NRCAM: variants seen among roughly 807,000 people sequenced by gnomAD.
NRCAM encodes the protein NgCAM-related cell adhesion molecule.
In NRCAM, 83 loss-of-function variants were observed where a neutral mutation model predicts 156.5. The observed-to-expected ratio is 0.53, with a 90% confidence interval of 0.44 to 0.64. The LOEUF is 0.64. NRCAM is among the 30% of genes least tolerant of loss of function. The pLI, the probability that NRCAM is intolerant of heterozygous loss-of-function variation, is 0.00. For missense variants in NRCAM, 1,417 were observed against 1,597.3 expected (o/e 0.89, Z 1.92); for synonymous variants, 538 against 563.9 (o/e 0.95, Z 0.65).
chr7:108,253,358 G>GAAGAGGA (rs1562959904), intron 3 of NRCAM, among the ~76,000 whole-genome samples: 1 of 152,158 alleles, frequency 6.6e-6, no homozygotes, highest in African/African-American at 2.4e-5. Flanking sequence ...GTTCAAGAGG[G>GAAGAGGA]AAGAGGAAAG....
chr7:108,427,087 C>A (rs747345254), intron 1 of NRCAM, among the ~76,000 whole-genome samples: 6 of 152,216 alleles, frequency 3.9e-5, no homozygotes, highest in Non-Finnish European at 7.3e-5. Context: ...ACATGCCTTT[C>A]CTCTAGAATG....
At chr7:108,281,173 G>GA (rs2097846670) in intron 3 of NRCAM, among the ~76,000 whole-genome samples, 4 of 152,156 alleles carry the variant, frequency 2.6e-5, no homozygotes, top group African/African-American at 9.6e-5. Context: ...TTAACCTGAT[G>GA]AAATGAGCAA....
chr7:108,150,479 C>G (rs995057247), intron 32 of NRCAM, among the ~76,000 whole-genome samples: 1 of 152,144 alleles, frequency 6.6e-6, no homozygotes, highest in African/African-American at 2.4e-5. Context: ...AAAATCATCA[C>G]TATTTTGAAT....
At chr7:108,257,295 TA>T (rs760275556) in intron 3 of NRCAM, among the ~76,000 whole-genome samples, 5 of 152,208 alleles carry the variant, frequency 3.3e-5, no homozygotes, top group Admixed American at 6.5e-5. Context: ...AAAAATGCAC[TA>T]AAACTCACCA....
Position 108,147,994 on chromosome 7 carries a change from GAC to G in NRCAM, c.*1914_*1915del, listed in dbSNP as rs2039662973. 6.6e-6 allele frequency: 1 copy of G among 152,618 alleles called. No individual in the cohort carries two copies. The highest frequency in any genetic ancestry group is 1.5e-5 in the Non-Finnish European group (1 of 68,024). 9.5% of individuals were successfully genotyped at this position (152,618 alleles called of 1,614,324 possible). ...GTTTTGTCTTTTTATATTTTCAAGA[GAC>G]AGGTGGATCTGTGAAAAATGAATAT... On this transcript the variant is annotated 3_prime_UTR_variant, in exon 33 of 33. Coordinates refer to ENST00000379028, the MANE Select transcript of NRCAM (RefSeq NM_001037132.4).
intron 2 of NRCAM, among the ~76,000 whole-genome samples, chr7:108,347,581 T>G (rs10953564): frequency 0.25 from 37,996 of 152,006 alleles, 5,248 homozygotes; most frequent in Non-Finnish European, 0.3. Context: ...GAGGATTTGA[T>G]CCCCAAAAAA....
At chr7:108,298,716 C>T (rs1281132477) in intron 3 of NRCAM, among the ~76,000 whole-genome samples, 1 of 151,582 alleles carries the variant, frequency 6.6e-6, no homozygotes, top group Non-Finnish European at 1.5e-5. Flanking sequence ...CAAACCCAAA[C>T]CTTCCACATG....
At chr7:108,211,619 G>A (rs1402353948) in intron 11 of NRCAM, among the ~76,000 whole-genome samples, 14 of 152,000 alleles carry the variant, frequency 9.2e-5, no homozygotes, top group Admixed American at 3.9e-4. Flanking sequence ...GATTTCCCTC[G>A]CTTCCCCAAC....
intron 1 of NRCAM, among the ~76,000 whole-genome samples, chr7:108,438,923 A>T (rs1348462350): frequency 6.6e-6 from 1 of 152,174 alleles, no homozygotes; most frequent in Non-Finnish European, 1.5e-5. Context: ...TAACAAAAAA[A>T]TGCAAGATTT....
chr7:108,197,125 C>T (rs1434360113), intron 14 of NRCAM, among the ~76,000 whole-genome samples: 28 of 152,142 alleles, frequency 1.8e-4, no homozygotes, highest in Non-Finnish European at 7.4e-5. Context: ...GAAAGACAAA[C>T]TTGGCATGAT....
rs1344344124 is a variant in NRCAM at position 108,180,344 on chromosome 7, C to T, written c.2730G>A (p.Lys910=). The T allele has an allele frequency of 6.2e-7, 1 of 1,614,098 alleles. No individual in the cohort carries two copies. The highest frequency in any genetic ancestry group is 1.3e-5 in the African/African-American group (1 of 74,932). Residue 910 remains lysine, a synonymous_variant, in exon 25 of 33, where the codon AAG becomes AAA. Coordinates refer to ENST00000379028, the MANE Select transcript of NRCAM (RefSeq NM_001037132.4). ...CTAGCCCCGGCAACATGCCATGAGT[C>T]TTGCTGCCTTGGAAGGTGAGGATCT... is the stretch of plus-strand genomic sequence containing the variant. ...EKKILTFQGS[K]THGMLPGLEP...
chr7:108,150,109 C>T lies in NRCAM; in HGVS notation c.3716G>A (p.Arg1239Gln), dbSNP rs753564364. The T allele has an allele frequency of 8.1e-6, 13 of 1,612,130 alleles. No individual in the cohort carries two copies. Among genetic ancestry groups the T allele is most frequent in the Middle Eastern group, 1.6e-4 (1 of 6,066 alleles). The change falls in exon 33 of 33, where the codon CGA becomes CAA. Residue 1239 changes from arginine (R) to glutamine (Q), a missense_variant. Arg to Gln is a conservative substitution (Grantham distance 43). Around this residue, in one of 2 missense-constraint regions of NRCAM, gnomAD observed 179 missense variants for 260.9 expected, o/e 0.69. Coordinates refer to ENST00000379028, the MANE Select transcript of NRCAM (RefSeq NM_001037132.4). The part of the protein sequence containing the change: ...EDHKPLKKGS[R>Q]TPSDRTVKKE... Reference sequence around the variant, plus strand: ...TTTCACAGTCCTGTCTGAAGGAGTTCGACTTCCTTTTTTCAAAGGCTTGTG... The same window carrying T: ...TTTCACAGTCCTGTCTGAAGGAGTTTGACTTCCTTTTTTCAAAGGCTTGTG...
chr7:108,432,941 AGAGAAGGAGAAG>A (rs71522872), intron 1 of NRCAM, among the ~76,000 whole-genome samples: 10 of 145,398 alleles, frequency 6.9e-5, no homozygotes, highest in African/African-American at 2.5e-4. Flanking sequence ...AGAAAGAGAA[AGAGAAGGAGAAG>A]GAGAAGGAGG....
At chr7:108,326,000 A>C (rs2099064729) in intron 2 of NRCAM, among the ~76,000 whole-genome samples, 1 of 152,142 alleles carries the variant, frequency 6.6e-6, no homozygotes, top group Non-Finnish European at 1.5e-5. Context: ...TGTACTAGTC[A>C]ATCTTTAAAT....
chr7:108,233,982 C>T (rs1340104512), intron 6 of NRCAM, among the ~76,000 whole-genome samples: 1 of 152,178 alleles, frequency 6.6e-6, no homozygotes, highest in African/African-American at 2.4e-5. Context: ...AAATGCTTTG[C>T]AGTGATCTAA....
intron 28 of NRCAM, among the ~76,000 whole-genome samples, chr7:108,169,606 T>C (rs1436234177): frequency 6.6e-6 from 1 of 152,216 alleles, no homozygotes. Context: ...ATGCAAATTT[T>C]GTATCTCTTT....
intron 2 of NRCAM, among the ~76,000 whole-genome samples, chr7:108,341,120 AC>A (rs2099271663): frequency 6.6e-6 from 1 of 151,922 alleles, no homozygotes; most frequent in African/African-American, 2.4e-5. Flanking sequence ...CAAATAAGCC[AC>A]CCCCTCATCC....
chr7:108,179,725 G>C (rs912611743), intron 25 of NRCAM, among the ~76,000 whole-genome samples: 2 of 152,062 alleles, frequency 1.3e-5, no homozygotes, highest in Non-Finnish European at 2.9e-5. Context: ...GTCAAGACTT[G>C]CAACCTTCTA....
chr7:108,273,594 T>C (rs1223878062), intron 3 of NRCAM, among the ~76,000 whole-genome samples: 1 of 152,018 alleles, frequency 6.6e-6, no homozygotes, highest in Non-Finnish European at 1.5e-5. Flanking sequence ...TATGCGGTTG[T>C]TTTTTTCTTG....
Sources: gnomAD v4.1 joint callset for allele counts (sites outside exome capture counted in the v4.1 genomes callset) on GRCh38, gnomAD v4.1.1 for gene constraint, gnomAD v4.1.1 regional missense constraint, MANE v1.5 for transcripts, NCBI Gene and HGNC (gene_info 2026-07-23, HGNC 2026-07-21) for gene names.